The following MACROD2 variants were observed in gnomAD, a reference collection of about 807,000 sequenced individuals.
MACROD2 encodes the protein mono-ADP ribosylhydrolase 2.
Under a neutral mutation model 70.4 loss-of-function variants are expected in MACROD2, and 36 were observed. The ratio of observed to expected loss-of-function variants is 0.51; its 90% CI spans 0.39 to 0.68. MACROD2 has a LOEUF of 0.68. Ranked by LOEUF, MACROD2 falls within the 30% of genes least tolerant of loss-of-function variation. MACROD2 has a pLI of 0.00. For missense variants in MACROD2, 496 were observed against 538.4 expected, an observed-to-expected ratio of 0.92 and a Z score of 0.78; for synonymous variants, 172 against 178.8, an observed-to-expected ratio of 0.96 and a Z score of 0.30.
intron 5 of MACROD2, among the ~76,000 whole-genome samples, chr20:14,856,548 C>T (rs575438537): frequency 7.2e-5 from 11 of 152,272 alleles, no homozygotes; most frequent in African/African-American, 2.6e-4. Context: ...AATAACAAGG[C>T]AATCCACTTG....
At chr20:13,998,165 CAAAG>C (rs1334658624) in intron 1 of MACROD2, among the ~76,000 whole-genome samples, 4 of 151,834 alleles carry the variant, frequency 2.6e-5, no homozygotes, top group Non-Finnish European at 5.9e-5. Context: ...TATGAAATGA[CAAAG>C]AAAATGCATA....
rs1235692422 is a variant in MACROD2 at position 15,045,727 on chromosome 20, T to TTTG, written c.419-184211_419-184210insGTT. 3.1e-3 allele frequency among the ~76,000 whole-genome samples: 445 copies of TTTG among 145,376 alleles called. 8 individuals carry two copies. The highest frequency in any genetic ancestry group is 0.01 in the African/African-American group (412 of 39,906). On this transcript the variant is annotated intron_variant, in intron 5 of 17. Coordinates refer to ENST00000684519, the MANE Select transcript of MACROD2 (RefSeq NM_001351661.2). The stretch of plus-strand genomic sequence containing the variant: ...TTTCTCTCCAGACCAGGGTTTTTTT[T>TTTG]TTTTTTTTTTTTTTTTTCCCTTTCT...
chr20:14,941,836 T>C (rs1188368127), intron 5 of MACROD2, among the ~76,000 whole-genome samples: 2 of 151,862 alleles, frequency 1.3e-5, no homozygotes, highest in East Asian at 3.9e-4. Context: ...CAGGCTGGAA[T>C]GTAGTGGTGC....
At chr20:15,147,899 C>T (rs1179868810) in intron 5 of MACROD2, among the ~76,000 whole-genome samples, 1 of 151,730 alleles carries the variant, frequency 6.6e-6, no homozygotes, top group Admixed American at 6.6e-5. Context: ...ACAAGGTGCT[C>T]AGTAGGGGAG....
At chr20:15,717,381 G>A (rs2050721957) in intron 8 of MACROD2, among the ~76,000 whole-genome samples, 1 of 152,230 alleles carries the variant, frequency 6.6e-6, no homozygotes, top group Non-Finnish European at 1.5e-5. Context: ...CAGTGTATAT[G>A]AAAGAGGTGA....
In MACROD2 at chr20:15,893,005, G is replaced by A. The variant is rs185077773; in HGVS notation, c.775+7194G>A. The A allele has an allele frequency of 1.4e-3, 553 of 399,086 alleles. 11 individuals are homozygous for A. In the Admixed American group the frequency reaches 0.022, roughly 16 times the overall value. 24.7% of individuals were successfully genotyped at this position (399,086 alleles called of 1,614,324 possible). A position where few individuals can be genotyped will look rare whatever the true frequency, so the allele number is the denominator to read the frequency against. ...AAGCCAGAATGTTCGAAAGACTCTAGCGAGGGTAAGTCCTGTCCCTCCTTC... is the reference window on the plus strand; with the variant it reads ...AAGCCAGAATGTTCGAAAGACTCTAACGAGGGTAAGTCCTGTCCCTCCTTC... On this transcript the variant is annotated intron_variant, in intron 10 of 17. Transcript: ENST00000684519.
chr20:15,004,893 G>A (rs1257649364), intron 5 of MACROD2, among the ~76,000 whole-genome samples: 1 of 152,202 alleles, frequency 6.6e-6, no homozygotes, highest in Non-Finnish European at 1.5e-5. Flanking sequence ...GAAGGAGGGA[G>A]TGTTTGATTT....
chr20:15,047,062 G>A (rs139700535), intron 5 of MACROD2, among the ~76,000 whole-genome samples: 201 of 152,222 alleles, frequency 1.3e-3, no homozygotes, highest in African/African-American at 4.7e-3. Flanking sequence ...TTATCAATGT[G>A]TTTTGTTCAC....
intron 3 of MACROD2, among the ~76,000 whole-genome samples, chr20:14,290,674 T>A (rs1182041709): frequency 1.3e-5 from 2 of 152,198 alleles, no homozygotes; most frequent in Admixed American, 6.5e-5. Context: ...CACACCTGGC[T>A]AATTTTGTAT....
At chr20:14,826,180 G>A (rs1285174781) in intron 5 of MACROD2, among the ~76,000 whole-genome samples, 1 of 151,270 alleles carries the variant, frequency 6.6e-6, no homozygotes, top group African/African-American at 2.4e-5. Context: ...AATTCCTTGA[G>A]TAATAAAATA....
chr20:15,668,606 C>T (rs774492643), intron 8 of MACROD2, among the ~76,000 whole-genome samples: 2 of 150,580 alleles, frequency 1.3e-5, no homozygotes, highest in Non-Finnish European at 2.9e-5. Flanking sequence ...GGTGATGCTG[C>T]GCATTTCATT....
chr20:14,579,366 C>T (rs1357793486), intron 4 of MACROD2, among the ~76,000 whole-genome samples: 1 of 151,810 alleles, frequency 6.6e-6, no homozygotes, highest in African/African-American at 2.4e-5. Context: ...TGGTCTCGAT[C>T]TCCTGACCTC....
chr20:15,542,482 G>A (rs776320804), intron 8 of MACROD2, among the ~76,000 whole-genome samples: 3 of 152,130 alleles, frequency 2.0e-5, no homozygotes, highest in African/African-American at 4.8e-5. Flanking sequence ...AATAGCCATC[G>A]ATATTGCAAA....
intron 6 of MACROD2, among the ~76,000 whole-genome samples, chr20:15,354,645 T>A (rs575972591): frequency 1.6e-4 from 24 of 150,470 alleles, no homozygotes; most frequent in Non-Finnish European, 3.3e-4. Context: ...ATGTAAATTT[T>A]AAAAAAGAAA....
At chr20:14,020,941 C>T (rs1037287792) in intron 2 of MACROD2, among the ~76,000 whole-genome samples, 2 of 150,650 alleles carry the variant, frequency 1.3e-5, no homozygotes, top group African/African-American at 4.9e-5. Context: ...TGGTCATGTA[C>T]GTGACTTTCT....
At chr20:14,708,117 T>A (rs2071291597) in intron 5 of MACROD2, among the ~76,000 whole-genome samples, 2 of 152,228 alleles carry the variant, frequency 1.3e-5, no homozygotes, top group African/African-American at 4.8e-5. Flanking sequence ...TAATATGAGA[T>A]GATGTGTAAC....
intron 5 of MACROD2, among the ~76,000 whole-genome samples, chr20:15,226,425 T>C (rs1367373864): frequency 6.6e-6 from 1 of 152,218 alleles, no homozygotes; most frequent in Non-Finnish European, 1.5e-5. Flanking sequence ...CATTATCTTA[T>C]TTATACCAAG....
intron 5 of MACROD2, among the ~76,000 whole-genome samples, chr20:15,101,814 A>G (rs2075875319): frequency 6.6e-6 from 1 of 152,042 alleles, no homozygotes; most frequent in Non-Finnish European, 1.5e-5. Flanking sequence ...CCAACATTGT[A>G]TTATTTAAAG....
intron 2 of MACROD2, among the ~76,000 whole-genome samples, chr20:14,082,956 G>A (rs1309318631): frequency 6.6e-6 from 1 of 152,066 alleles, no homozygotes; most frequent in African/African-American, 2.4e-5. Context: ...TGGGTCAGGT[G>A]TTGACAATTT....
Sources: gnomAD v4.1 joint callset for allele counts (sites outside exome capture counted in the v4.1 genomes callset) on GRCh38, gnomAD v4.1.1 for gene constraint, MANE v1.5 for transcripts, NCBI Gene and HGNC (gene_info 2026-07-23, HGNC 2026-07-21) for gene names.